Variants in YTHDC2 observed in about 807,000 individuals in gnomAD.
YTHDC2 encodes YTH N6-methyladenosine RNA binding protein C2, also known as 3'-5' RNA helicase YTHDC2.
YTHDC2 carries 45 observed loss-of-function variants against 174.9 expected under a neutral mutation model. The ratio of observed to expected loss-of-function variants is 0.26; its 90% CI spans 0.20 to 0.33. YTHDC2 has a LOEUF of 0.33. Ranked by LOEUF, YTHDC2 falls within the 10% of genes least tolerant of loss-of-function variation. The pLI is 1.00. For missense variants in YTHDC2, 1,650 were observed against 1,723.7 expected, an observed-to-expected ratio of 0.96 and a Z score of 0.76; for synonymous variants, 657 against 574.5, an observed-to-expected ratio of 1.14 and a Z score of -2.05.
intron 10 of YTHDC2, among the ~76,000 whole-genome samples, chr5:113,544,758 G>C (rs1380432433): frequency 6.6e-6 from 1 of 150,482 alleles, no homozygotes; most frequent in Non-Finnish European, 1.5e-5. Context: ...CATGATATCT[G>C]GTCCCCTCCT....
At chr5:113,557,179 G>A (rs1179808743) in intron 17 of YTHDC2, among the ~76,000 whole-genome samples, 1 of 152,172 alleles carries the variant, frequency 6.6e-6, no homozygotes. Flanking sequence ...GGTTCTTGGA[G>A]TAAGGAGACA....
At position 113,565,969 on chromosome 5, in the gene YTHDC2, A is replaced by G. The variant is rs754664071; in HGVS notation, c.2792A>G (p.Glu931Gly). ...AATTTTCTTTCACAGGCTACTATGGAAATAATCATAGGCATGAGAACACAG... is the reference window on the plus strand; with the variant it reads ...AATTTTCTTTCACAGGCTACTATGGGAATAATCATAGGCATGAGAACACAG... Reference protein sequence around the residue: ...EKNFLSQATMEIIIGMRTQLL... With the variant: ...EKNFLSQATMGIIIGMRTQLL... The change falls in exon 21 of 30, where the codon GAA (glutamate) becomes GGA (glycine). Residue 931 changes from glutamate (E) to glycine (G), a missense_variant. Transcript: ENST00000161863. The G allele has an allele frequency of 4.3e-6, 7 of 1,613,256 alleles. No individual in the cohort carries two copies. In the East Asian group the frequency reaches 1.6e-4, roughly 36 times the overall value.
chr5:113,538,605 G>C (rs1171256717), intron 7 of YTHDC2, among the ~76,000 whole-genome samples: 2 of 148,536 alleles, frequency 1.3e-5, no homozygotes, highest in Non-Finnish European at 3.0e-5. Context: ...TTATCTTCTT[G>C]TTTCTCATTT....
At chr5:113,577,230 G>T (rs1411075239) in intron 23 of YTHDC2, among the ~76,000 whole-genome samples, 2 of 151,984 alleles carry the variant, frequency 1.3e-5, no homozygotes, top group African/African-American at 4.8e-5. Context: ...ATATCTGGTA[G>T]TAGAAGCTCT....
At chr5:113,531,494 CTTAGGA>C (rs1201349291) in intron 4 of YTHDC2, among the ~76,000 whole-genome samples, 16 of 152,028 alleles carry the variant, frequency 1.1e-4, no homozygotes, top group Non-Finnish European at 1.8e-4. Flanking sequence ...AAAGGTTGGT[CTTAGGA>C]CCACATGAGT....
At chr5:113,569,125 G>A (rs558330192) in intron 23 of YTHDC2, among the ~76,000 whole-genome samples, 50 of 152,094 alleles carry the variant, frequency 3.3e-4, no homozygotes, top group African/African-American at 9.9e-4. Context: ...TTTTTCATAT[G>A]TTTGTTGGCC....
At chr5:113,522,017 T>C (rs1324810025) in intron 2 of YTHDC2, among the ~76,000 whole-genome samples, 1 of 151,956 alleles carries the variant, frequency 6.6e-6, no homozygotes, top group Non-Finnish European at 1.5e-5. Context: ...TATTACAGTA[T>C]TGGGGAGAAA....
At chr5:113,543,031 A>G (rs1010683720) in intron 10 of YTHDC2, among the ~76,000 whole-genome samples, 1 of 152,102 alleles carries the variant, frequency 6.6e-6, no homozygotes, top group Non-Finnish European at 1.5e-5. Context: ...GTAAATATGA[A>G]ATCTCCTAGG....
At chr5:113,547,946 T>C (rs1167928587) in intron 10 of YTHDC2, among the ~76,000 whole-genome samples, 1 of 152,168 alleles carries the variant, frequency 6.6e-6, no homozygotes, top group East Asian at 1.9e-4. Flanking sequence ...AAATATATTC[T>C]AGGAAGAAAC....
At chr5:113,545,600 C>T (rs1020120301) in intron 10 of YTHDC2, among the ~76,000 whole-genome samples, 1 of 152,098 alleles carries the variant, frequency 6.6e-6, no homozygotes, top group African/African-American at 2.4e-5. Context: ...GAAGAGCTGG[C>T]CAGGCTGGCT....
At chr5:113,552,442 T>G (rs1283193354) in intron 12 of YTHDC2, among the ~76,000 whole-genome samples, 1 of 152,120 alleles carries the variant, frequency 6.6e-6, no homozygotes, top group Non-Finnish European at 1.5e-5. Flanking sequence ...TGAAATCATG[T>G]GATATGTGGT....
At chr5:113,522,165 T>A (rs10056194) in intron 2 of YTHDC2, among the ~76,000 whole-genome samples, 1 of 148,492 alleles carries the variant, frequency 6.7e-6, no homozygotes, top group African/African-American at 2.5e-5. Context: ...TGGTGGTGGT[T>A]GTTGTTTGTT....
At chr5:113,588,858 C>T (rs940090866) in intron 26 of YTHDC2, among the ~76,000 whole-genome samples, 5 of 152,008 alleles carry the variant, frequency 3.3e-5, no homozygotes, top group Non-Finnish European at 5.9e-5. Context: ...CTCCTGATCT[C>T]AAGTGATCTG....
intron 12 of YTHDC2, among the ~76,000 whole-genome samples, chr5:113,551,445 C>T (rs955534212): frequency 6.6e-6 from 1 of 151,744 alleles, no homozygotes; most frequent in African/African-American, 2.4e-5. Flanking sequence ...TAATTTATAT[C>T]CAAAAGTTAT....
At chr5:113,527,203 A>G (rs1330522512) in intron 4 of YTHDC2, among the ~76,000 whole-genome samples, 3 of 152,150 alleles carry the variant, frequency 2.0e-5, no homozygotes, top group Admixed American at 6.5e-5. Flanking sequence ...GCTACCTTTC[A>G]CAGTGAGGTG....
chr5:113,545,162 T>G (rs1431314766), intron 10 of YTHDC2, among the ~76,000 whole-genome samples: 2 of 152,204 alleles, frequency 1.3e-5, no homozygotes, highest in East Asian at 3.8e-4. Flanking sequence ...TTGAGGTGTC[T>G]GGGTCAATTA....
intron 10 of YTHDC2, among the ~76,000 whole-genome samples, chr5:113,544,021 A>T (rs1183740986): frequency 6.6e-6 from 1 of 151,448 alleles, no homozygotes; most frequent in Non-Finnish European, 1.5e-5. Flanking sequence ...TTTATTTTTC[A>T]TTACTTATTT....
In YTHDC2 at chr5:113,548,619, A is replaced by T; in HGVS notation, c.1574A>T (p.Gln525Leu). The T allele has an allele frequency of 1.2e-6, 2 of 1,613,550 alleles. No homozygotes were observed. Among genetic ancestry groups the T allele is most frequent in the Non-Finnish European group, 8.5e-7 (1 of 1,179,716 alleles). Residue 525 changes from glutamine (Q) to leucine (L), a missense_variant, in exon 11 of 30, where the codon CAG becomes CTG. Physicochemically the swap from Gln to Leu is moderately radical, Grantham distance 113. Coordinates refer to ENST00000161863, the MANE Select transcript of YTHDC2 (RefSeq NM_022828.5). ...CGTGGCTTTGCAAGTCAAGTAGAAC[A>T]GTTAATCAGTATGGGAGCCAATGTC... is the stretch of plus-strand genomic sequence containing the variant. Reference protein sequence around the residue: ...AGRGFASQVEQLISMGANVHS... With the variant: ...AGRGFASQVELLISMGANVHS...
intron 16 of YTHDC2, 58 bp from the exon 17 acceptor site, chr5:113,555,994 G>GCTA (rs770962613): frequency 5.1e-5 from 53 of 1,033,240 alleles, no homozygotes; most frequent in Non-Finnish European, 7.4e-5. Flanking sequence ...TAACATTCTT[G>GCTA]CTATTACCTT....
Sources: allele counts gnomAD v4.1 joint callset (sites outside exome capture counted in the v4.1 genomes callset), GRCh38; gene constraint gnomAD v4.1.1; transcripts MANE v1.5; gene names NCBI Gene and HGNC (gene_info 2026-07-23, HGNC 2026-07-21).